WSCD2: variants seen among roughly 807,000 people sequenced by gnomAD.
WSCD2 encodes the protein sialate:O-sulfotransferase 2.
A neutral mutation model predicts 55.7 loss-of-function variants in WSCD2; 28 were observed. The observed-to-expected ratio is 0.50, with a 90% confidence interval of 0.37 to 0.69. The LOEUF (loss-of-function observed/expected upper bound fraction) is 0.69. Ranked by LOEUF, WSCD2 falls within the 30% of genes least tolerant of loss-of-function variation. The probability of loss-of-function intolerance (pLI) is 0.00; values close to 1 mark genes in which losing one functional copy is unlikely to be tolerated. For missense variants in WSCD2, 616 were observed against 762.1 expected (o/e 0.81, Z 2.26); for synonymous variants, 301 against 301.9 (o/e 1.00, Z 0.03).
chr12:108,240,209 T>C lies in WSCD2; in HGVS notation c.1145-135T>C, dbSNP rs1321568708. 4 of 1,078,418 alleles carry C rather than the reference T, an allele frequency of 3.7e-6. No homozygotes were observed. The Admixed American group carries it at 5.7e-5, about 16-fold the overall frequency. The allele number at this position is 1,078,418 out of a possible 1,614,324, so 66.8% of individuals were successfully genotyped here. A position where few individuals can be genotyped will look rare whatever the true frequency, so the allele number is the denominator to read the frequency against. On this transcript the variant is annotated intron_variant, in intron 7 of 8. Transcript: ENST00000547525. ...TCCTAGCACAGTGCCTGGCACATAG[T>C]AGGTGCTCAATAAATACGCGAATGA...
intron 7 of WSCD2, among the ~76,000 whole-genome samples, chr12:108,234,833 T>C (rs968248817): frequency 2.0e-5 from 3 of 152,212 alleles, no homozygotes; most frequent in Non-Finnish European, 4.4e-5. Flanking sequence ...AGTTCAGGGA[T>C]CAAAATTGGT....
intron 6 of WSCD2, among the ~76,000 whole-genome samples, chr12:108,227,493 C>T (rs1888240716): frequency 6.6e-6 from 1 of 152,228 alleles, no homozygotes; most frequent in Non-Finnish European, 1.5e-5. Flanking sequence ...CAAGTCATTT[C>T]CCCTTTCTGG....
intron 1 of WSCD2, among the ~76,000 whole-genome samples, chr12:108,171,072 C>T (rs190397055): frequency 3.7e-4 from 57 of 152,302 alleles, no homozygotes; most frequent in Non-Finnish European, 5.7e-4. Context: ...GGTACCTGGA[C>T]TAGTCTGGGT....
rs747762720 is a variant in WSCD2, at chr12:108,196,222, C to T, written c.382+8C>T. 12 of 1,607,424 alleles carry T rather than the reference C, an allele frequency of 7.5e-6. No individual in the cohort carries two copies. Among genetic ancestry groups the T allele is most frequent in the East Asian group, 2.2e-5 (1 of 44,796 alleles). ...AGAAGGAGGAAGAGCGAGGTAAGAG[C>T]GAGGAACATCTGGACACTGAGGGGC... On this transcript the variant is annotated splice_region_variant and intron_variant, in intron 2 of 8. Coordinates refer to ENST00000547525, the MANE Select transcript of WSCD2 (RefSeq NM_014653.4).
rs139569713 is a variant in WSCD2, at chr12:108,150,350, G to A, written c.-552+20424G>A. 5.6e-3 allele frequency among the ~76,000 whole-genome samples: 858 copies of A among 152,304 alleles called. 1 individual carries two copies. Among genetic ancestry groups the A allele is most frequent in the Non-Finnish European group, 9.8e-3 (668 of 68,024 alleles). On this transcript the variant is annotated intron_variant, in intron 1 of 8. Transcript: ENST00000547525. ...AAATAAGTTCTTTAAAGGAAGTATT[G>A]TGAGCTTTCCAAAGGGAGAGGCTAG...
chr12:108,246,821 G>T lies in WSCD2; in HGVS notation c.1346-1170G>T, dbSNP rs958768891. 4.6e-5 allele frequency among the ~76,000 whole-genome samples: 7 copies of T among 152,260 alleles called. 1 individual carries two copies. Among genetic ancestry groups the T allele is most frequent in the African/African-American group, 7.2e-5 (3 of 41,550 alleles). On this transcript the variant is annotated intron_variant, in intron 8 of 8. Transcript: ENST00000547525. ...GGGAGACAGACTACAGAAGTGGGGG[G>T]TTTCTGCACAGCATAATGAGTGCTG...
chr12:108,177,138 C>T (rs1204588841), intron 1 of WSCD2, among the ~76,000 whole-genome samples: 3 of 151,986 alleles, frequency 2.0e-5, no homozygotes, highest in African/African-American at 7.3e-5. Context: ...CAGTTTACTC[C>T]TCTGTTAAAT....
intron 1 of WSCD2, among the ~76,000 whole-genome samples, chr12:108,153,221 C>T (rs576655815): frequency 1.4e-4 from 21 of 152,330 alleles, no homozygotes; most frequent in African/African-American, 4.8e-4. Flanking sequence ...CTCATTTTAT[C>T]TTTCAAGAGA....
At chr12:108,213,067 C>A (rs1593044589) in intron 4 of WSCD2, among the ~76,000 whole-genome samples, 1 of 152,230 alleles carries the variant, frequency 6.6e-6, no homozygotes, top group Non-Finnish European at 1.5e-5. Context: ...ACATGGTATA[C>A]AAAGAGAGTG....
chr12:108,187,303 A>G (rs1391519742), intron 1 of WSCD2, among the ~76,000 whole-genome samples: 1 of 152,214 alleles, frequency 6.6e-6, no homozygotes, highest in Non-Finnish European at 1.5e-5. Context: ...GTAGTCACCA[A>G]TCATTGCACC....
At chr12:108,141,573 C>A (rs1337027017) in intron 1 of WSCD2, among the ~76,000 whole-genome samples, 3 of 152,202 alleles carry the variant, frequency 2.0e-5, no homozygotes, top group Admixed American at 2.0e-4. Context: ...ACTCTGATGT[C>A]TGCTTCCGTC....
chr12:108,246,446 GC>G (rs1375864204), intron 8 of WSCD2, among the ~76,000 whole-genome samples: 1 of 152,160 alleles, frequency 6.6e-6, no homozygotes, highest in East Asian at 1.9e-4. Context: ...TGGAGCTCCT[GC>G]CCTCTGATTC....
rs185383890 is a variant in WSCD2, at chr12:108,154,451, C to T, written c.-552+24525C>T. Among the ~76,000 whole-genome samples the T allele has an allele frequency of 2.4e-4, 37 of 152,292 alleles. No individual in the cohort carries two copies. The East Asian group carries it at 6.9e-3, about 29-fold the overall frequency. ...CTCCGACTCTGACCCTCCTGCTGCCCTCATAAGGATGCTTGTGATGATATT... is the reference window on the plus strand; with the variant it reads ...CTCCGACTCTGACCCTCCTGCTGCCTTCATAAGGATGCTTGTGATGATATT... On this transcript the variant is annotated intron_variant, in intron 1 of 8. Transcript: ENST00000547525.
At chr12:108,211,820 A>T (rs1448867973) in intron 4 of WSCD2, among the ~76,000 whole-genome samples, 42 of 134,606 alleles carry the variant, frequency 3.1e-4, no homozygotes, top group African/African-American at 1.1e-3. Context: ...TGCCTGGCTA[A>T]TTTTTTTTTT....
At chr12:108,184,557 G>A (rs1389329547) in intron 1 of WSCD2, among the ~76,000 whole-genome samples, 2 of 152,164 alleles carry the variant, frequency 1.3e-5, no homozygotes, top group African/African-American at 4.8e-5. Flanking sequence ...AGCAGCGTGT[G>A]CTCTGGGAAG....
chr12:108,224,931 C>G (rs1307786728), intron 5 of WSCD2, 71 bp downstream of exon 5: 1 of 1,561,906 alleles, frequency 6.4e-7, no homozygotes, highest in Non-Finnish European at 8.6e-7. Flanking sequence ...GAACCACATG[C>G]TTGGCTGGAG....
At chr12:108,204,174 G>T (rs193070039) in intron 2 of WSCD2, among the ~76,000 whole-genome samples, 5 of 152,110 alleles carry the variant, frequency 3.3e-5, no homozygotes, top group African/African-American at 1.2e-4. Flanking sequence ...TAGATAGCAC[G>T]TAGTAGGTGT....
chr12:108,204,642 G>A (rs1206699347), intron 2 of WSCD2, among the ~76,000 whole-genome samples: 1 of 152,258 alleles, frequency 6.6e-6, no homozygotes, highest in Non-Finnish European at 1.5e-5. Context: ...GGTTGTCACT[G>A]TCTGGTGTGC....
At chr12:108,138,294 A>C (rs749466415) in intron 1 of WSCD2, among the ~76,000 whole-genome samples, 6 of 152,230 alleles carry the variant, frequency 3.9e-5, no homozygotes, top group Non-Finnish European at 8.8e-5. Flanking sequence ...GGCCTCAAAA[A>C]AATACGATGG....
Sources: allele counts gnomAD v4.1 joint callset (sites outside exome capture counted in the v4.1 genomes callset), GRCh38; gene constraint gnomAD v4.1.1; transcripts MANE v1.5; gene names NCBI Gene and HGNC (gene_info 2026-07-23, HGNC 2026-07-21).